The following SPOP variants were observed in gnomAD, a reference collection of about 807,000 sequenced individuals.
The protein encoded by SPOP is speckle type BTB/POZ protein.
A neutral mutation model predicts 45.6 loss-of-function variants in SPOP; 11 were observed. The ratio of observed to expected loss-of-function variants is 0.24; its 90% CI spans 0.15 to 0.40. SPOP has a LOEUF of 0.40. Among genes scored for constraint, SPOP ranks in the 10% least tolerant of loss-of-function variants. SPOP has a pLI of 1.00. For missense variants in SPOP, 152 were observed against 465.6 expected, an observed-to-expected ratio of 0.33 and a Z score of 6.20; for synonymous variants, 166 against 166.3, an observed-to-expected ratio of 1.00 and a Z score of 0.01.
intron 1 of SPOP, among the ~76,000 whole-genome samples, chr17:49,675,329 C>T (rs1198297332): frequency 6.6e-6 from 1 of 152,056 alleles, no homozygotes; most frequent in Non-Finnish European, 1.5e-5. Flanking sequence ...GGAATGATCA[C>T]CAAGATAAAT....
rs967786066 is a variant in SPOP at position 49,599,500 on chromosome 17, TTG to T, written c.*876_*877del. 2 of 184,982 alleles carry T rather than the reference TTG, an allele frequency of 1.1e-5. No homozygotes were observed. The highest frequency in any genetic ancestry group is 2.9e-5 in the African/African-American group (1 of 34,520). 11.5% of individuals were successfully genotyped at this position (184,982 alleles called of 1,614,324 possible). On this transcript the variant is annotated 3_prime_UTR_variant, in exon 10 of 10. Transcript: ENST00000504102. ...TCTCTTCTTTTGTTCTGTTTTTGTT[TTG>T]TGTGTTTTTTTTTTTGTTTGTTTTT... is the stretch of plus-strand genomic sequence containing the variant.
At chr17:49,602,596 C>G (rs545324545) in intron 8 of SPOP, among the ~76,000 whole-genome samples, 6 of 152,252 alleles carry the variant, frequency 3.9e-5, no homozygotes, top group African/African-American at 1.4e-4. Context: ...AAAAGGAGCC[C>G]TGTGGTGACT....
At chr17:49,653,159 T>A (rs2072864043) in intron 1 of SPOP, among the ~76,000 whole-genome samples, 1 of 152,150 alleles carries the variant, frequency 6.6e-6, no homozygotes, top group African/African-American at 2.4e-5. Flanking sequence ...GTCCCTTCAG[T>A]GCTAAAGTTC....
At chr17:49,646,987 A>G (rs1002141190) in intron 1 of SPOP, among the ~76,000 whole-genome samples, 1 of 152,110 alleles carries the variant, frequency 6.6e-6, no homozygotes, top group Admixed American at 6.5e-5. Context: ...GTGGCAACTC[A>G]GTATGAAAGT....
intron 1 of SPOP, among the ~76,000 whole-genome samples, chr17:49,651,879 C>T (rs567340169): frequency 3.9e-5 from 6 of 152,132 alleles, no homozygotes; most frequent in African/African-American, 1.2e-4. Flanking sequence ...ATTAGCCAGG[C>T]GTGGTGGCGG....
At chr17:49,668,678 T>C (rs2073094053) in intron 1 of SPOP, among the ~76,000 whole-genome samples, 1 of 152,102 alleles carries the variant, frequency 6.6e-6, no homozygotes, top group Non-Finnish European at 1.5e-5. Flanking sequence ...TGCATGGTAT[T>C]ATTCTTTATA....
intron 1 of SPOP, among the ~76,000 whole-genome samples, chr17:49,655,795 A>G (rs1597972635): frequency 1.3e-5 from 2 of 152,196 alleles, no homozygotes; most frequent in African/African-American, 4.8e-5. Context: ...TCTTAGCCAT[A>G]AAATAATTTT....
intron 1 of SPOP, among the ~76,000 whole-genome samples, chr17:49,627,778 T>A (rs2072366249): frequency 6.6e-6 from 1 of 152,212 alleles, no homozygotes; most frequent in South Asian, 2.1e-4. Flanking sequence ...TTCCCACCTT[T>A]TTTTGCTTCT....
intron 1 of SPOP, among the ~76,000 whole-genome samples, chr17:49,638,428 A>C (rs2072583415): frequency 6.6e-6 from 1 of 152,140 alleles, no homozygotes; most frequent in African/African-American, 2.4e-5. Context: ...GTCTCTACTA[A>C]AAATACAAAA....
chr17:49,602,029 G>T, intron 8 of SPOP, 22 bp from the exon 9 acceptor site: 1 of 1,613,140 alleles, frequency 6.2e-7, no homozygotes, highest in Non-Finnish European at 8.5e-7. Context: ...AAGCACTGCT[G>T]TCATCAGAGC....
At chr17:49,673,280 T>C (rs1297470076) in intron 1 of SPOP, among the ~76,000 whole-genome samples, 7 of 151,434 alleles carry the variant, frequency 4.6e-5, no homozygotes, top group Non-Finnish European at 8.9e-5. Flanking sequence ...CCAAGGTGGG[T>C]GGATCACGAG....
At chr17:49,623,913 T>A (rs567309903) in intron 1 of SPOP, among the ~76,000 whole-genome samples, 2 of 152,306 alleles carry the variant, frequency 1.3e-5, no homozygotes, top group African/African-American at 4.8e-5. Context: ...GACATATCTT[T>A]ATGGCAATTT....
chr17:49,657,029 CA>C (rs1447265897), intron 1 of SPOP, among the ~76,000 whole-genome samples: 2 of 151,802 alleles, frequency 1.3e-5, no homozygotes, highest in Admixed American at 1.3e-4. Flanking sequence ...AAAAAAAATA[CA>C]AAAAATTAGC....
At chr17:49,674,615 G>A (rs1225522386) in intron 1 of SPOP, among the ~76,000 whole-genome samples, 3 of 152,186 alleles carry the variant, frequency 2.0e-5, no homozygotes, top group Non-Finnish European at 2.9e-5. Context: ...CAAGAGAGCA[G>A]ACCTCAACTA....
At chr17:49,661,471 C>T (rs1190075541) in intron 1 of SPOP, among the ~76,000 whole-genome samples, 1 of 152,176 alleles carries the variant, frequency 6.6e-6, no homozygotes, top group Admixed American at 6.5e-5. Flanking sequence ...ATCCAACCTT[C>T]AAAATACCCA....
Position 49,599,970 on chromosome 17 carries a change from T to G in SPOP, c.*408A>C, listed in dbSNP as rs2071709159. 1 of 233,862 alleles carries G rather than the reference T, an allele frequency of 4.3e-6. No homozygotes were observed. Among genetic ancestry groups the G allele is most frequent in the African/African-American group, 2.2e-5 (1 of 45,190 alleles). 14.5% of individuals were successfully genotyped at this position (233,862 alleles called of 1,614,324 possible). A position where few individuals can be genotyped will look rare whatever the true frequency, so the allele number is the denominator to read the frequency against. ...AAATTCTGCAAAAATCTTTTCTTCT[T>G]TCCTTTTCCCTTCTGTTAAAACTCA... On this transcript the variant is annotated 3_prime_UTR_variant, in exon 10 of 10. Coordinates refer to ENST00000504102, the MANE Select transcript of SPOP (RefSeq NM_001007228.2).
intron 8 of SPOP, among the ~76,000 whole-genome samples, chr17:49,602,897 T>G (rs1597900682): frequency 6.6e-6 from 1 of 152,210 alleles, no homozygotes; most frequent in Non-Finnish European, 1.5e-5. Flanking sequence ...TACCACTTGT[T>G]CTCTAATATG....
intron 1 of SPOP, among the ~76,000 whole-genome samples, chr17:49,670,839 T>G (rs1371066349): frequency 6.6e-6 from 1 of 152,144 alleles, no homozygotes; most frequent in African/African-American, 2.4e-5. Context: ...ACAATTTGCC[T>G]CACTTCTTTA....
At chr17:49,677,909 C>A in intron 1 of SPOP, 24 bp downstream of exon 1, 1 of 378,972 alleles carries the variant, frequency 2.6e-6, no homozygotes, top group South Asian at 1.3e-4. Context: ...AACCCCCTCC[C>A]TCGACTCTCC....
Sources: gnomAD v4.1 joint callset for allele counts (sites outside exome capture counted in the v4.1 genomes callset) on GRCh38, gnomAD v4.1.1 for gene constraint, MANE v1.5 for transcripts, NCBI Gene and HGNC (gene_info 2026-07-23, HGNC 2026-07-21) for gene names.